The following DLGAP1 variants were observed in gnomAD, a reference collection of about 807,000 sequenced individuals.
DLGAP1 encodes disks large-associated protein 1.
DLGAP1 carries 11 observed loss-of-function variants against 90.8 expected under a neutral mutation model. The ratio of observed to expected loss-of-function variants is 0.12; its 90% CI spans 0.08 to 0.20. The LOEUF (loss-of-function observed/expected upper bound fraction) is 0.20, where lower values mean the gene tolerates loss of function less well. Ranked by LOEUF, DLGAP1 falls within the 10% of genes least tolerant of loss-of-function variation. The pLI is 1.00. For missense variants in DLGAP1, 1,050 were observed against 1,333.8 expected, an observed-to-expected ratio of 0.79 and a Z score of 3.31; for synonymous variants, 558 against 540.7, an observed-to-expected ratio of 1.03 and a Z score of -0.44.
intron 4 of DLGAP1, among the ~76,000 whole-genome samples, chr18:3,835,283 C>A (rs2068302420): frequency 6.6e-6 from 1 of 152,152 alleles, no homozygotes; most frequent in Non-Finnish European, 1.5e-5. Flanking sequence ...AGAAGCAGAA[C>A]ACTAATGCCA....
At chr18:4,249,752 T>C (rs546839207) in intron 1 of DLGAP1, among the ~76,000 whole-genome samples, 2 of 152,262 alleles carry the variant, frequency 1.3e-5, no homozygotes, top group East Asian at 1.9e-4. Context: ...CATTACTGGC[T>C]AATTATTTTG....
At chr18:4,308,344 C>A (rs972956920) in intron 1 of DLGAP1, among the ~76,000 whole-genome samples, 4 of 152,088 alleles carry the variant, frequency 2.6e-5, no homozygotes, top group Non-Finnish European at 5.9e-5. Flanking sequence ...TTTTGAGCTA[C>A]ATAAAAATAT....
intron 7 of DLGAP1, among the ~76,000 whole-genome samples, chr18:3,637,797 C>G (rs1009110083): frequency 1.3e-5 from 2 of 151,796 alleles, no homozygotes; most frequent in Admixed American, 6.6e-5. Context: ...CAATATAATA[C>G]ACAGAGTTTT....
At chr18:4,256,640 T>C (rs1369202628) in intron 1 of DLGAP1, among the ~76,000 whole-genome samples, 1 of 151,984 alleles carries the variant, frequency 6.6e-6, no homozygotes, top group Non-Finnish European at 1.5e-5. Flanking sequence ...CATTTTCTTG[T>C]TACATGAGTT....
intron 2 of DLGAP1, among the ~76,000 whole-genome samples, chr18:4,016,049 G>C (rs1343330896): frequency 2.6e-5 from 4 of 152,204 alleles, no homozygotes; most frequent in African/African-American, 7.2e-5. Flanking sequence ...AGACTGAAGA[G>C]TAATGAACAC....
chr18:4,287,492 A>G (rs941746237), intron 1 of DLGAP1, among the ~76,000 whole-genome samples: 2 of 152,198 alleles, frequency 1.3e-5, no homozygotes, highest in Non-Finnish European at 2.9e-5. Context: ...GCACACATAC[A>G]CCATGGAATA....
At chr18:3,601,565 G>T (rs1287949077) in intron 7 of DLGAP1, among the ~76,000 whole-genome samples, 1 of 151,928 alleles carries the variant, frequency 6.6e-6, no homozygotes, top group East Asian at 1.9e-4. Context: ...ACCTACGGCT[G>T]GGCATGGTGG....
intron 9 of DLGAP1, among the ~76,000 whole-genome samples, chr18:3,556,285 C>T (rs1046862907): frequency 6.7e-5 from 7 of 104,788 alleles, no homozygotes; most frequent in African/African-American, 1.2e-4. Context: ...GTTCAGGAAC[C>T]TACACTGGCT....
At chr18:4,213,293 T>C (rs189102629) in intron 1 of DLGAP1, among the ~76,000 whole-genome samples, 1 of 152,216 alleles carries the variant, frequency 6.6e-6, no homozygotes, top group East Asian at 1.9e-4. Flanking sequence ...GGAGATTCTC[T>C]TGGGAAATGA....
intron 1 of DLGAP1, among the ~76,000 whole-genome samples, chr18:4,418,665 T>C (rs1330093273): frequency 6.6e-6 from 1 of 151,830 alleles, no homozygotes; most frequent in Non-Finnish European, 1.5e-5. Context: ...AATAGAAATA[T>C]ATAGAGAAAA....
Position 3,600,757 on chromosome 18 carries a change from G to GAT in DLGAP1, c.1592-18511_1592-18510dup, listed in dbSNP as rs375384194. On this transcript the variant is annotated intron_variant, in intron 7 of 12. Transcript: ENST00000315677. ...ATATATAGATATATAGATATATATA[G>GAT]ATATATAGATATATATAGATATATA... Among the ~76,000 whole-genome samples the GAT allele has an allele frequency of 4.4e-3, 38 of 8,708 alleles. 6 individuals are homozygous for GAT. Among genetic ancestry groups the GAT allele is most frequent in the African/African-American group, 0.016 (34 of 2,166 alleles). 5.7% of individuals were successfully genotyped at this position (8,708 alleles called of 152,430 possible).
At chr18:4,096,893 G>C (rs1887923228) in intron 2 of DLGAP1, among the ~76,000 whole-genome samples, 1 of 152,168 alleles carries the variant, frequency 6.6e-6, no homozygotes, top group Admixed American at 6.5e-5. Flanking sequence ...AATGGTACCT[G>C]GCAAAGTTGT....
At chr18:3,592,845 A>G (rs1249363814) in intron 7 of DLGAP1, among the ~76,000 whole-genome samples, 1 of 59,646 alleles carries the variant, frequency 1.7e-5, no homozygotes, top group Non-Finnish European at 2.6e-5. Context: ...CCCTGCCTCA[A>G]AAAAAAAAAA....
chr18:3,622,681 G>T (rs1164387795), intron 7 of DLGAP1, among the ~76,000 whole-genome samples: 1 of 152,182 alleles, frequency 6.6e-6, no homozygotes, highest in Non-Finnish European at 1.5e-5. Flanking sequence ...CCAATTTCTT[G>T]CTTGCCAGAG....
At chr18:4,271,356 T>C (rs1380034044) in intron 1 of DLGAP1, among the ~76,000 whole-genome samples, 1 of 152,230 alleles carries the variant, frequency 6.6e-6, no homozygotes, top group Non-Finnish European at 1.5e-5. Flanking sequence ...CTTTTCATGA[T>C]ACTACCTAAT....
chr18:4,422,157 T>A (rs910600311), intron 1 of DLGAP1, among the ~76,000 whole-genome samples: 1 of 151,920 alleles, frequency 6.6e-6, no homozygotes. Context: ...TGCCCAATAA[T>A]AGGGGCTTAC....
At chr18:4,237,928 T>A (rs1272122641) in intron 1 of DLGAP1, among the ~76,000 whole-genome samples, 1 of 152,190 alleles carries the variant, frequency 6.6e-6, no homozygotes, top group Non-Finnish European at 1.5e-5. Context: ...AAACATTCCG[T>A]TAAATCTCTT....
intron 2 of DLGAP1, among the ~76,000 whole-genome samples, chr18:4,089,126 G>A (rs183398481): frequency 1.6e-3 from 236 of 152,002 alleles, no homozygotes; most frequent in African/African-American, 5.5e-3. Context: ...AAATCAATGT[G>A]CAAAAATCTC....
chr18:4,238,261 T>C (rs1462522447), intron 1 of DLGAP1, among the ~76,000 whole-genome samples: 1 of 152,210 alleles, frequency 6.6e-6, no homozygotes, highest in Non-Finnish European at 1.5e-5. Flanking sequence ...TTAGAAGAAC[T>C]TCTGTGAATT....
Sources: gnomAD v4.1 joint callset for allele counts (sites outside exome capture counted in the v4.1 genomes callset) on GRCh38, gnomAD v4.1.1 for gene constraint, MANE v1.5 for transcripts, NCBI Gene and HGNC (gene_info 2026-07-23, HGNC 2026-07-21) for gene names.